The following TCF25 variants were observed in gnomAD, a reference collection of about 807,000 sequenced individuals.
TCF25 encodes the protein TCF25 ribosome quality control complex subunit.
A neutral mutation model predicts 83.1 loss-of-function variants in TCF25; 41 were observed. The ratio of observed to expected loss-of-function variants is 0.49; its 90% CI spans 0.38 to 0.64. The LOEUF (loss-of-function observed/expected upper bound fraction) is 0.64, where lower values mean the gene tolerates loss of function less well. Ranked by LOEUF, TCF25 falls within the 30% of genes least tolerant of loss-of-function variation. The pLI is 0.00. For missense variants in TCF25, 979 were observed against 914.5 expected (o/e 1.07, Z -0.91); for synonymous variants, 458 against 365.0 (o/e 1.25, Z -2.90).
chr16:89,911,078 AG>A lies in TCF25; in HGVS notation c.1876del. 1 of 1,610,614 alleles carries A rather than the reference AG, an allele frequency of 6.2e-7. No homozygotes were observed. Among genetic ancestry groups the A allele is most frequent in the Non-Finnish European group, 8.5e-7 (1 of 1,179,694 alleles). On this transcript the variant is annotated splice_acceptor_variant, in intron 17 of 17. Transcript: ENST00000263346. LOFTEE classifies it high-confidence loss of function. ...CTTCTCAGACATGTCCCCTTGCTGC[AG>A]GGGGAGAGGCCCGAGGAAGGAGTGG...
intron 11 of TCF25, among the ~76,000 whole-genome samples, chr16:89,899,763 G>A (rs1185788797): frequency 6.6e-6 from 1 of 152,036 alleles, no homozygotes; most frequent in Non-Finnish European, 1.5e-5. Context: ...TTGACACCTG[G>A]GCTCCCATTA....
chr16:89,892,421 G>A (rs1418598453), intron 6 of TCF25, 146 bp downstream of exon 6: 11 of 918,212 alleles, frequency 1.2e-5, no homozygotes, highest in South Asian at 5.1e-5. Context: ...ACTGGCCTGC[G>A]CTGGGCACCA....
At position 89,911,338 on chromosome 16, in the gene TCF25, G is replaced by A. The variant is rs904211613; in HGVS notation, c.*100G>A. On this transcript the variant is annotated 3_prime_UTR_variant, in exon 18 of 18. Coordinates refer to ENST00000263346, the MANE Select transcript of TCF25 (RefSeq NM_014972.3). The stretch of plus-strand genomic sequence containing the variant: ...CTGAAGTAGGGAAGCTGAGTGTGTC[G>A]CTCCCTGGTCCACTGTTTCTCCTAT... 1.6e-4 allele frequency: 232 copies of A among 1,460,274 alleles called. No individual in the cohort carries two copies. The highest frequency in any genetic ancestry group is 2.0e-4 in the Non-Finnish European group (213 of 1,063,894). The allele number at this position is 1,460,274 out of a possible 1,614,324, so 90.5% of individuals were successfully genotyped here. A position where few individuals can be genotyped will look rare whatever the true frequency, so the allele number is the denominator to read the frequency against.
At chr16:89,894,942 G>A (rs2043733509) in intron 7 of TCF25, 96 bp from the exon 8 acceptor site, 10 of 1,104,492 alleles carry the variant, frequency 9.1e-6, no homozygotes, top group Non-Finnish European at 1.3e-5. Flanking sequence ...ACTGCGCCCA[G>A]CCTCCGCTGG....
Position 89,898,758 on chromosome 16 carries a change from C to T in TCF25, c.1116-9C>T. 1 of 1,613,798 alleles carries T rather than the reference C, an allele frequency of 6.2e-7. No homozygotes were observed. Reference sequence around the variant, plus strand: ...CCCTTTGCTCTGCTCTCTGTGCTGCCTCCGGAAGTCTCGAGCCGGATGAGG... The same window carrying T: ...CCCTTTGCTCTGCTCTCTGTGCTGCTTCCGGAAGTCTCGAGCCGGATGAGG... On this transcript the variant is annotated splice_polypyrimidine_tract_variant and intron_variant, in intron 10 of 17. Transcript: ENST00000263346.
At chr16:89,896,720 A>G (rs1046325830) in intron 9 of TCF25, among the ~76,000 whole-genome samples, 2 of 151,782 alleles carry the variant, frequency 1.3e-5, no homozygotes, top group Admixed American at 6.6e-5. Flanking sequence ...CGCCTGGCTA[A>G]TTTTTTGTAT....
chr16:89,892,331 C>T (rs1279590858), intron 6 of TCF25, 56 bp downstream of exon 6: 23 of 1,545,394 alleles, frequency 1.5e-5, no homozygotes, highest in Non-Finnish European at 1.9e-5. Flanking sequence ...TGTCTGTGCA[C>T]TGGCCCCGGT....
chr16:89,896,134 G>A lies in TCF25; in HGVS notation c.1022+51G>A, dbSNP rs757228478. ...CGCAGCTCCCCTTCCCTTCTCCTGC[G>A]AGTGAGGCTGGGGGAGGTGCAGTGG... On this transcript the variant is annotated intron_variant, in intron 9 of 17. Transcript: ENST00000263346. The A allele has an allele frequency of 4.6e-5, 73 of 1,571,748 alleles. No homozygotes were observed. In the South Asian group the frequency reaches 5.9e-4, roughly 13 times the overall value.
chr16:89,888,171 C>T (rs973466846), intron 5 of TCF25, among the ~76,000 whole-genome samples: 2 of 152,070 alleles, frequency 1.3e-5, no homozygotes, highest in African/African-American at 4.8e-5. Context: ...GAAGCTGAGG[C>T]GGGACATTCG....
intron 1 of TCF25, chr16:89,878,614 AT>A: frequency 8.8e-7 from 1 of 1,138,148 alleles, no homozygotes; most frequent in Non-Finnish European, 1.1e-6. Flanking sequence ...ACTAATGAAA[AT>A]CACAGCTTTT....
At chr16:89,907,718 C>A (rs562525047) in intron 16 of TCF25, among the ~76,000 whole-genome samples, 2 of 104,964 alleles carry the variant, frequency 1.9e-5, no homozygotes, top group Non-Finnish European at 4.0e-5. Context: ...CCACCTCCCG[C>A]CTCCCACCTT....
chr16:89,879,254 T>C lies in TCF25; in HGVS notation c.193-4097T>C, dbSNP rs547259076. Among the ~76,000 whole-genome samples the C allele has an allele frequency of 5.0e-3, 734 of 146,524 alleles. 1 individual carries two copies. Among genetic ancestry groups the C allele is most frequent in the African/African-American group, 8.0e-3 (314 of 39,288 alleles). On this transcript the variant is annotated intron_variant, in intron 1 of 17. Transcript: ENST00000263346. ...CACACGTGTTGTCCGTGTGCACAGA[T>C]GGGCTTCGGGGCCTGTCACACGTGT...
At chr16:89,895,555 C>T (rs1227681277) in intron 8 of TCF25, among the ~76,000 whole-genome samples, 1 of 152,222 alleles carries the variant, frequency 6.6e-6, no homozygotes, top group Admixed American at 6.5e-5. Flanking sequence ...CTCACTGTAG[C>T]GTCGATCAGA....
intron 16 of TCF25, 48 bp from the exon 17 acceptor site, chr16:89,910,530 GGGTTGGGTCCCAC>G: frequency 6.3e-7 from 1 of 1,578,454 alleles, no homozygotes; most frequent in Non-Finnish European, 8.7e-7. Flanking sequence ...CCCGTGAGCC[GGGTTGGGTCCCAC>G]GAGTCTCAGT....
At chr16:89,903,875 A>C (rs1370197961) in intron 12 of TCF25, among the ~76,000 whole-genome samples, 1 of 152,050 alleles carries the variant, frequency 6.6e-6, no homozygotes, top group Non-Finnish European at 1.5e-5. Flanking sequence ...TTGGATGCAA[A>C]TGGGGGCCCT....
intron 1 of TCF25, among the ~76,000 whole-genome samples, chr16:89,875,677 C>T (rs2143887516): frequency 6.6e-6 from 1 of 151,638 alleles, no homozygotes; most frequent in East Asian, 1.9e-4. Context: ...CGCCCGCCAC[C>T]ACGCCTGGCT....
chr16:89,908,126 C>T (rs2045108013), intron 16 of TCF25, among the ~76,000 whole-genome samples: 1 of 143,450 alleles, frequency 7.0e-6, no homozygotes, highest in Non-Finnish European at 1.5e-5. Flanking sequence ...CGCCTCCCTC[C>T]TCTCACCTCC....
chr16:89,903,092 G>A (rs1050490897), intron 12 of TCF25, among the ~76,000 whole-genome samples: 2 of 152,258 alleles, frequency 1.3e-5, no homozygotes, highest in African/African-American at 4.8e-5. Flanking sequence ...TGCTCCACCA[G>A]TGCAGCCGTG....
intron 2 of TCF25, chr16:89,883,833 G>C (rs79632912): frequency 1.5e-5 from 4 of 270,346 alleles, no homozygotes; most frequent in Admixed American, 4.5e-5. Context: ...CCTCCTAGCC[G>C]ACCGCGCACG....
Sources: allele counts gnomAD v4.1 joint callset (sites outside exome capture counted in the v4.1 genomes callset), GRCh38; gene constraint gnomAD v4.1.1; transcripts MANE v1.5; gene names NCBI Gene and HGNC (gene_info 2026-07-23, HGNC 2026-07-21).